The following KHDRBS2 variants were observed in gnomAD, a reference collection of about 807,000 sequenced individuals.
KHDRBS2 encodes the protein KH RNA binding domain containing, signal transduction associated 2, also known as KH domain-containing, RNA-binding, signal transduction-associated protein 2.
KHDRBS2 carries 26 observed loss-of-function variants against 44.3 expected under a neutral mutation model. The observed-to-expected ratio is 0.59, with a 90% CI of 0.43 to 0.81. The LOEUF (loss-of-function observed/expected upper bound fraction) is 0.81. Among genes scored for constraint, KHDRBS2 ranks in the 40% least tolerant of loss-of-function variants. The pLI is 0.00. For missense variants in KHDRBS2, 476 were observed against 433.1 expected, an observed-to-expected ratio of 1.10 and a Z score of -0.88; for synonymous variants, 194 against 151.1, an observed-to-expected ratio of 1.28 and a Z score of -2.08.
the KHDRBS2 span, among the ~76,000 whole-genome samples, chr6:61,611,901 G>C: frequency 1.3e-5 from 2 of 152,074 alleles, no homozygotes; most frequent in Non-Finnish European, 2.9e-5. Context: ...TTAGTGTTTA[G>C]CTCCCAATTA....
chr6:61,548,410 T>A, the KHDRBS2 span, among the ~76,000 whole-genome samples: 5 of 152,142 alleles, frequency 3.3e-5, no homozygotes, highest in African/African-American at 9.7e-5. Context: ...GGGATCTTGT[T>A]AAAATGCAGA....
chr6:62,250,740 G>A (rs768140170), intron 1 of KHDRBS2, among the ~76,000 whole-genome samples: 6 of 151,884 alleles, frequency 4.0e-5, no homozygotes, highest in East Asian at 1.9e-4. Context: ...GTATTGAAGC[G>A]TCTCATCACA....
At chr6:62,281,685 T>G (rs556165404) in intron 1 of KHDRBS2, among the ~76,000 whole-genome samples, 8 of 152,128 alleles carry the variant, frequency 5.3e-5, no homozygotes, top group Non-Finnish European at 1.2e-4. Context: ...AAGCAGAAGT[T>G]GTTTTTTGTT....
At chr6:61,585,906 T>G in the KHDRBS2 span, among the ~76,000 whole-genome samples, 1 of 152,252 alleles carries the variant, frequency 6.6e-6, no homozygotes, top group East Asian at 1.9e-4. Flanking sequence ...AGATCTCTTA[T>G]TTAGAAATTA....
intron 2 of KHDRBS2, among the ~76,000 whole-genome samples, chr6:62,066,074 C>T (rs1472451125): frequency 6.6e-6 from 1 of 151,616 alleles, no homozygotes; most frequent in South Asian, 2.1e-4. Context: ...ATTTATACAA[C>T]TGTATTAGGG....
chr6:61,773,144 G>A (rs1056395753), intron 6 of KHDRBS2, among the ~76,000 whole-genome samples: 2 of 151,762 alleles, frequency 1.3e-5, no homozygotes, highest in African/African-American at 4.8e-5. Context: ...ATAGTCCTTT[G>A]GGTATATACC....
intron 4 of KHDRBS2, among the ~76,000 whole-genome samples, chr6:61,917,968 A>C (rs1381790268): frequency 6.6e-6 from 1 of 151,986 alleles, no homozygotes; most frequent in Non-Finnish European, 1.5e-5. Context: ...AAGATATTGA[A>C]GGCTCCTCCA....
At chr6:61,715,440 A>ATAG (rs1771236858) in intron 7 of KHDRBS2, among the ~76,000 whole-genome samples, 1 of 151,830 alleles carries the variant, frequency 6.6e-6, no homozygotes, top group Non-Finnish European at 1.5e-5. Context: ...ATGCCCCAAC[A>ATAG]CTTTCAAATA....
At chr6:61,577,225 G>T in the KHDRBS2 span, among the ~76,000 whole-genome samples, 1 of 151,758 alleles carries the variant, frequency 6.6e-6, no homozygotes, top group Non-Finnish European at 1.5e-5. Flanking sequence ...AATATGAAGT[G>T]TAGAGCCAGG....
intron 6 of KHDRBS2, chr6:61,816,677 C>A: frequency 2.3e-6 from 1 of 432,406 alleles, no homozygotes; most frequent in Non-Finnish European, 4.7e-6. Context: ...TTTTGAAAAT[C>A]CAGTTTTGCA....
chr6:61,846,857 A>C (rs1158363469), intron 6 of KHDRBS2, among the ~76,000 whole-genome samples: 1 of 152,044 alleles, frequency 6.6e-6, no homozygotes, highest in Non-Finnish European at 1.5e-5. Flanking sequence ...AGTGCAACAC[A>C]TCTTAAAAAT....
chr6:61,985,716 A>T (rs549751742), intron 3 of KHDRBS2, among the ~76,000 whole-genome samples: 39 of 152,286 alleles, frequency 2.6e-4, no homozygotes, highest in African/African-American at 9.4e-4. Flanking sequence ...AACAATAGGC[A>T]ACATTAGACA....
intron 6 of KHDRBS2, among the ~76,000 whole-genome samples, chr6:61,878,501 T>A (rs546314149): frequency 6.6e-6 from 1 of 152,136 alleles, no homozygotes; most frequent in East Asian, 1.9e-4. Flanking sequence ...TTTTGTTGGT[T>A]CCCCAGGGAT....
At chr6:61,716,545 A>C (rs749237092) in intron 7 of KHDRBS2, among the ~76,000 whole-genome samples, 47 of 152,160 alleles carry the variant, frequency 3.1e-4, no homozygotes, top group Non-Finnish European at 6.8e-4. Flanking sequence ...AACAAGCATT[A>C]CTGACCTTCA....
At position 62,145,380 on chromosome 6, in the gene KHDRBS2, C is replaced by G. The variant is rs1813705168; in HGVS notation, c.219+31805G>C. 3.3e-5 allele frequency among the ~76,000 whole-genome samples: 5 copies of G among 151,390 alleles called. No individual in the cohort carries two copies. In the South Asian group the frequency reaches 1.0e-3, roughly 31 times the overall value. On this transcript the variant is annotated intron_variant, in intron 2 of 8. Transcript: ENST00000281156. ...TTATATTCAATTAAAGCTTACATCG[C>G]TTTTTCACTTTTTAATGCATTTCTA...
intron 2 of KHDRBS2, among the ~76,000 whole-genome samples, chr6:62,052,129 T>G (rs562262054): frequency 6.6e-6 from 1 of 152,116 alleles, no homozygotes; most frequent in Non-Finnish European, 1.5e-5. Context: ...ACAATCCCTC[T>G]CCTGGGCATA....
chr6:62,197,421 A>G (rs1213376700), intron 1 of KHDRBS2, among the ~76,000 whole-genome samples: 5 of 152,150 alleles, frequency 3.3e-5, no homozygotes, highest in Non-Finnish European at 7.4e-5. Context: ...TACATCACCA[A>G]TCATCTACAG....
At chr6:61,600,831 C>T in the KHDRBS2 span, among the ~76,000 whole-genome samples, 1 of 152,176 alleles carries the variant, frequency 6.6e-6, no homozygotes, top group African/African-American at 2.4e-5. Flanking sequence ...TATCCCACAA[C>T]CTCTTTCTCC....
At chr6:61,937,701 C>T (rs1000002348) in intron 4 of KHDRBS2, among the ~76,000 whole-genome samples, 2 of 152,018 alleles carry the variant, frequency 1.3e-5, no homozygotes, top group African/African-American at 4.8e-5. Context: ...CCTCCTTTAT[C>T]CTATAATTAG....
Sources: allele counts gnomAD v4.1 joint callset (sites outside exome capture counted in the v4.1 genomes callset), GRCh38; gene constraint gnomAD v4.1.1; transcripts MANE v1.5; gene names NCBI Gene and HGNC (gene_info 2026-07-23, HGNC 2026-07-21).